The following C1QTNF9 variants were observed in gnomAD, a reference collection of about 807,000 sequenced individuals.
C1QTNF9 encodes complement C1q and tumor necrosis factor-related protein 9A.
In C1QTNF9, 6 loss-of-function variants were observed where a neutral mutation model predicts 10.1. The ratio of observed to expected loss-of-function variants is 0.59; its 90% CI spans 0.32 to 1.17. The LOEUF is 1.17. C1QTNF9 is among the 50% of genes most tolerant of loss of function. The probability of loss-of-function intolerance (pLI) is 0.04; values close to 1 mark genes in which losing one functional copy is unlikely to be tolerated. For synonymous variants in C1QTNF9, 98 were observed against 163.5 expected (o/e 0.60, Z 3.06); for missense variants, 201 against 418.8 (o/e 0.48, Z 4.54).
At chr13:24,315,840 C>CTGAGCCTTCTG (rs1466280592) in intron 1 of C1QTNF9, 142 bp from the exon 2 acceptor site, 7 of 853,780 alleles carry the variant, frequency 8.2e-6, no homozygotes, top group Non-Finnish European at 1.3e-5. Context: ...CTCCCCTGCC[C>CTGAGCCTTCTG]TGAGCCTTCT....
At chr13:24,317,281 G>GTGTA (rs1399230188) in intron 2 of C1QTNF9, among the ~76,000 whole-genome samples, 1 of 151,882 alleles carries the variant, frequency 6.6e-6, no homozygotes, top group Non-Finnish European at 1.5e-5. Flanking sequence ...GTGTGTGTGT[G>GTGTA]TGTATTGTAT....
chr13:24,320,145 T>C (rs1449563026), intron 3 of C1QTNF9, among the ~76,000 whole-genome samples: 1 of 150,652 alleles, frequency 6.6e-6, no homozygotes, highest in Non-Finnish European at 1.5e-5. Flanking sequence ...AGGGAGGAGG[T>C]TTTTAGAGGA....
At chr13:24,307,334 G>T (rs1877636787), upstream of C1QTNF9, 1 of 152,454 alleles carries the variant, frequency 6.6e-6, no homozygotes, top group Admixed American at 6.5e-5. Flanking sequence ...GCAGTGGGGC[G>T]GGGCCGCTTT....
At chr13:24,312,478 G>A (rs1306601198) in intron 1 of C1QTNF9, among the ~76,000 whole-genome samples, 1 of 152,210 alleles carries the variant, frequency 6.6e-6, no homozygotes, top group Non-Finnish European at 1.5e-5. Flanking sequence ...GAGTGTAACT[G>A]TAGTTGAACT....
chr13:24,314,223 C>G (rs1361978701), intron 1 of C1QTNF9, among the ~76,000 whole-genome samples: 1 of 152,060 alleles, frequency 6.6e-6, no homozygotes, highest in South Asian at 2.1e-4. Flanking sequence ...ACTATGCCCA[C>G]GTTTTTGTTT....
At chr13:24,312,168 A>G (rs1412456092) in intron 1 of C1QTNF9, among the ~76,000 whole-genome samples, 1 of 152,250 alleles carries the variant, frequency 6.6e-6, no homozygotes, top group East Asian at 1.9e-4. Flanking sequence ...GATGGTCCAC[A>G]CACAGTTGGA....
At chr13:24,321,660 G>T in exon 4 of C1QTNF9, 3 of 1,614,198 alleles carry the variant, frequency 1.9e-6, no homozygotes, top group Non-Finnish European at 1.7e-6. Context: ...TGAAGCTCGG[G>T]GATGAGGTGT....
At chr13:24,316,566 T>G (rs1309562423) in intron 2 of C1QTNF9, among the ~76,000 whole-genome samples, 1 of 152,232 alleles carries the variant, frequency 6.6e-6, no homozygotes, top group African/African-American at 2.4e-5. Context: ...TGATCACGAA[T>G]TATTTGGCAG....
chr13:24,322,034 TG>T (rs1565958940), exon 4 of C1QTNF9: 1 of 414,028 alleles, frequency 2.4e-6, no homozygotes, highest in Non-Finnish European at 4.0e-6. Context: ...GCGTTTCTTG[TG>T]GGAAGAGTGT....
intron 3 of C1QTNF9, among the ~76,000 whole-genome samples, chr13:24,319,378 AT>A (rs912902671): frequency 5.9e-5 from 9 of 151,998 alleles, no homozygotes; most frequent in Non-Finnish European, 8.8e-5. Context: ...GTCTATACAA[AT>A]AAAAAAAAAA....
At chr13:24,311,729 G>C (rs1218883758) in intron 1 of C1QTNF9, among the ~76,000 whole-genome samples, 1 of 152,232 alleles carries the variant, frequency 6.6e-6, no homozygotes, top group East Asian at 1.9e-4. Context: ...ATGCAAGATA[G>C]AAGTCTATTT....
At chr13:24,312,773 G>A (rs553719077) in intron 1 of C1QTNF9, among the ~76,000 whole-genome samples, 18 of 151,898 alleles carry the variant, frequency 1.2e-4, no homozygotes, top group African/African-American at 3.9e-4. Flanking sequence ...TGGCTAACAT[G>A]GTGAAACCCC....
At position 24,312,058 on chromosome 13, in the gene C1QTNF9, A is replaced by G. The variant is rs529049025; in HGVS notation, c.-23+2442A>G. 4.6e-5 allele frequency among the ~76,000 whole-genome samples: 7 copies of G among 152,222 alleles called. No individual in the cohort carries two copies. The East Asian group carries it at 9.7e-4, about 21-fold the overall frequency. On this transcript the variant is annotated intron_variant, in intron 1 of 3. Coordinates refer to ENST00000332018, the Ensembl canonical transcript of C1QTNF9. ...CCCTAGAAGCCCAGCTAAAATTTCT[A>G]TTACTCTGGATGAAGGTGAGAAGGG...
intron 2 of C1QTNF9, among the ~76,000 whole-genome samples, chr13:24,318,344 G>A (rs1439109248): frequency 2.0e-5 from 3 of 152,212 alleles, no homozygotes; most frequent in Non-Finnish European, 2.9e-5. Context: ...TCTTGGGATA[G>A]TGTCACGTAA....
intron 3 of C1QTNF9, among the ~76,000 whole-genome samples, chr13:24,319,351 C>A (rs1878160062): frequency 6.6e-6 from 1 of 152,016 alleles, no homozygotes; most frequent in African/African-American, 2.4e-5. Context: ...CCACCCTGGG[C>A]AACATAGTAA....
chr13:24,309,295 ATATATATATAT>A (rs1359524884), upstream of C1QTNF9, among the ~76,000 whole-genome samples: 74 of 64,472 alleles, frequency 1.1e-3, 3 homozygotes, highest in African/African-American at 2.6e-3. Context: ...ATATATATAT[ATATATATATAT>A]ATGAAAGAAA....
upstream of C1QTNF9, among the ~76,000 whole-genome samples, chr13:24,307,512 G>GC (rs1459216277): frequency 3.3e-5 from 5 of 152,250 alleles, no homozygotes; most frequent in Admixed American, 6.5e-5. Context: ...TAAGTCAACA[G>GC]CCCATTGTTT....
At chr13:24,316,120 G>A (rs754903515) in exon 2 of C1QTNF9, 2 of 1,612,404 alleles carry the variant, frequency 1.2e-6, no homozygotes, top group South Asian at 2.2e-5. Context: ...ACAATGGTCT[G>A]CCTGGAAGAG....
intron 2 of C1QTNF9, 38 bp downstream of exon 2, chr13:24,316,207 C>T: frequency 6.6e-7 from 1 of 1,507,700 alleles, no homozygotes; most frequent in Non-Finnish European, 9.1e-7. Flanking sequence ...TTCAACTTCT[C>T]TCTTCATTCC....
Sources: gnomAD v4.1 joint callset for allele counts (sites outside exome capture counted in the v4.1 genomes callset) on GRCh38, gnomAD v4.1.1 for gene constraint, MANE v1.5 for transcripts, NCBI Gene and HGNC (gene_info 2026-07-23, HGNC 2026-07-21) for gene names.